DOCK3: variants seen among roughly 807,000 people sequenced by gnomAD.
The protein encoded by DOCK3 is dedicator of cytokinesis 3.
DOCK3 carries 60 observed loss-of-function variants against 265.6 expected under a neutral mutation model. That is an observed-to-expected ratio of 0.23 (90% CI 0.18 to 0.28). The LOEUF is 0.28. Among genes scored for constraint, DOCK3 ranks in the 10% least tolerant of loss-of-function variants. DOCK3 has a pLI of 1.00. For synonymous variants in DOCK3, 881 were observed against 938.0 expected, an observed-to-expected ratio of 0.94 and a Z score of 1.11; for missense variants, 1,981 against 2,594.3, an observed-to-expected ratio of 0.76 and a Z score of 5.14.
intron 6 of DOCK3, among the ~76,000 whole-genome samples, chr3:51,073,383 G>A (rs1392057808): frequency 6.6e-6 from 1 of 152,170 alleles, no homozygotes; most frequent in East Asian, 1.9e-4. Context: ...CTTGCACTCC[G>A]TGAACACTAC....
rs146510529 is a variant in DOCK3 at position 51,231,838 on chromosome 3, A to G, written c.1917+2229A>G. On this transcript the variant is annotated intron_variant, in intron 19 of 52. Transcript: ENST00000266037. ...AGTGATAAGTGATTTCCTAAGGCCA[A>G]TGTCCAGAATGGTGTTTCCTAGGTT... Among the ~76,000 whole-genome samples, 24 of 152,318 alleles carry G rather than the reference A, an allele frequency of 1.6e-4. No individual in the cohort carries two copies. The East Asian group carries it at 2.3e-3, about 15-fold the overall frequency.
intron 12 of DOCK3, among the ~76,000 whole-genome samples, chr3:51,161,388 G>A (rs1250292339): frequency 6.6e-6 from 1 of 151,562 alleles, no homozygotes; most frequent in Non-Finnish European, 1.5e-5. Flanking sequence ...AGCTTGCAGT[G>A]AGCTGAGATC....
At chr3:51,067,358 C>T (rs972958099) in intron 6 of DOCK3, among the ~76,000 whole-genome samples, 2 of 151,244 alleles carry the variant, frequency 1.3e-5, no homozygotes, top group Admixed American at 6.6e-5. Flanking sequence ...AGGCTCAGAA[C>T]ATTATAAATA....
rs560519666 is a variant in DOCK3, at chr3:51,044,802, C to T, written c.316-19646C>T. Among the ~76,000 whole-genome samples, 24 of 152,212 alleles carry T rather than the reference C, an allele frequency of 1.6e-4. No individual in the cohort carries two copies. In the South Asian group the frequency reaches 5.0e-3, roughly 32 times the overall value. The stretch of plus-strand genomic sequence containing the variant: ...GTGGAGATACCATCTTTCTTTAAAC[C>T]TCATGAACCAACCTCTTTTAGCTTA... On this transcript the variant is annotated intron_variant, in intron 5 of 52. Transcript: ENST00000266037.
intron 5 of DOCK3, among the ~76,000 whole-genome samples, chr3:50,937,470 C>T (rs113437811): frequency 4.6e-5 from 7 of 151,824 alleles, no homozygotes; most frequent in Admixed American, 1.3e-4. Context: ...CTAGCTAAGA[C>T]GGTGAGACCC....
chr3:51,367,923 AT>A (rs1197055013), intron 49 of DOCK3, among the ~76,000 whole-genome samples: 1 of 151,754 alleles, frequency 6.6e-6, no homozygotes, highest in Non-Finnish European at 1.5e-5. Context: ...GGCCCTCAAC[AT>A]TTTTTCCTTC....
At chr3:51,109,978 TA>T (rs1455502743) in intron 9 of DOCK3, among the ~76,000 whole-genome samples, 9 of 151,246 alleles carry the variant, frequency 6.0e-5, no homozygotes, top group Admixed American at 2.0e-4. Flanking sequence ...ACAAAGGGAA[TA>T]TTACCACTCA....
chr3:50,780,971 A>G (rs2041878245), intron 2 of DOCK3, among the ~76,000 whole-genome samples: 1 of 152,062 alleles, frequency 6.6e-6, no homozygotes, highest in African/African-American at 2.4e-5. Flanking sequence ...TCACATTACC[A>G]TGAATGGCAG....
rs9860424 is a variant in DOCK3, at chr3:51,129,083, A to G, written c.747-17466A>G. On this transcript the variant is annotated intron_variant, in intron 9 of 52. Coordinates refer to ENST00000266037, the MANE Select transcript of DOCK3 (RefSeq NM_004947.5). ...TTTCTTTTTCACCAATTTTCCAATC[A>G]TGCTTCTTCCAAGTCCCTGACCATC... Among the ~76,000 whole-genome samples the G allele has an allele frequency of 2.8e-3, 419 of 152,300 alleles. 1 individual carries two copies. The highest frequency in any genetic ancestry group is 9.6e-3 in the African/African-American group (401 of 41,558).
intron 4 of DOCK3, among the ~76,000 whole-genome samples, chr3:50,908,980 T>C (rs779855312): frequency 6.6e-6 from 1 of 152,114 alleles, no homozygotes. Flanking sequence ...CCCTTCTTTG[T>C]CTTTTTTGAT....
intron 5 of DOCK3, among the ~76,000 whole-genome samples, chr3:51,009,893 A>G (rs1278365974): frequency 6.6e-6 from 1 of 152,182 alleles, no homozygotes; most frequent in Non-Finnish European, 1.5e-5. Flanking sequence ...GTCATTCAGG[A>G]GCAGGTTGTT....
intron 1 of DOCK3, chr3:50,719,606 C>A: frequency 6.6e-7 from 1 of 1,518,384 alleles, no homozygotes; most frequent in Non-Finnish European, 9.1e-7. Flanking sequence ...CACATGCTTG[C>A]CATCCAACCA....
chr3:50,803,617 C>T (rs1385942848), intron 2 of DOCK3, among the ~76,000 whole-genome samples: 1 of 125,310 alleles, frequency 8.0e-6, no homozygotes, highest in African/African-American at 2.7e-5. Flanking sequence ...GGCGGCCGGG[C>T]AGAGGGGCCC....
At chr3:51,016,017 C>T (rs184209484) in intron 5 of DOCK3, among the ~76,000 whole-genome samples, 1 of 10,870 alleles carries the variant, frequency 9.2e-5, no homozygotes, top group African/African-American at 8.5e-4. Flanking sequence ...TATATTTCTA[C>T]ATAATATATA....
chr3:51,214,029 C>A, intron 13 of DOCK3, 93 bp from the exon 14 acceptor site: 1 of 1,552,774 alleles, frequency 6.4e-7, no homozygotes, highest in Non-Finnish European at 8.8e-7. Context: ...CTGAACTTTG[C>A]ACATTTTCTT....
Position 50,675,386 on chromosome 3 carries a change from C to A in DOCK3, c.37+86C>A. On this transcript the variant is annotated intron_variant, in intron 1 of 52. Coordinates refer to ENST00000266037, the MANE Select transcript of DOCK3 (RefSeq NM_004947.5). This position sits in a 1 kb window ranked among gnomAD's most constrained non-coding sequence, Gnocchi z 6.1. Reference sequence around the variant, plus strand: ...CCCGCCTGGATTCGCATCCTCGTGCCCCCGCCACTGCCCGCAGGCTGCGCG... The same window carrying A: ...CCCGCCTGGATTCGCATCCTCGTGCACCCGCCACTGCCCGCAGGCTGCGCG... 1 of 1,107,452 alleles carries A rather than the reference C, an allele frequency of 9.0e-7. No homozygotes were observed. 68.6% of individuals were successfully genotyped at this position (1,107,452 alleles called of 1,614,324 possible).
intron 5 of DOCK3, among the ~76,000 whole-genome samples, chr3:50,994,219 A>G (rs1446736536): frequency 6.6e-6 from 1 of 152,210 alleles, no homozygotes; most frequent in Non-Finnish European, 1.5e-5. Context: ...TACTGCATGT[A>G]GTTGGTAAGG....
At chr3:51,011,892 C>G (rs1356857912) in intron 5 of DOCK3, among the ~76,000 whole-genome samples, 1 of 152,192 alleles carries the variant, frequency 6.6e-6, no homozygotes, top group African/African-American at 2.4e-5. Flanking sequence ...AGGTCCACTC[C>G]AGATCCTGTT....
chr3:51,116,661 T>C (rs1412892133), intron 9 of DOCK3, among the ~76,000 whole-genome samples: 2 of 152,188 alleles, frequency 1.3e-5, no homozygotes. Context: ...GTAGTTCTCC[T>C]TGTAGAGGTC....
Sources: gnomAD v4.1 joint callset for allele counts (sites outside exome capture counted in the v4.1 genomes callset) on GRCh38, gnomAD v4.1.1 for gene constraint, Gnocchi (gnomAD v3.1) non-coding constraint, MANE v1.5 for transcripts, NCBI Gene and HGNC (gene_info 2026-07-23, HGNC 2026-07-21) for gene names.